The following ERLEC1 variants were observed in gnomAD, a reference collection of about 807,000 sequenced individuals.
The protein encoded by ERLEC1 is endoplasmic reticulum lectin 1.
In ERLEC1, 47 loss-of-function variants were observed where a neutral mutation model predicts 68.0. That is an observed-to-expected ratio of 0.69 (90% CI 0.55 to 0.88). The LOEUF is 0.88. Among genes scored for constraint, ERLEC1 ranks in the 40% least tolerant of loss-of-function variants. The pLI, the probability that ERLEC1 is intolerant of heterozygous loss-of-function variation, is 0.00. For synonymous variants in ERLEC1, 225 were observed against 203.2 expected, an observed-to-expected ratio of 1.11 and a Z score of -0.91; for missense variants, 567 against 583.8, an observed-to-expected ratio of 0.97 and a Z score of 0.30.
At chr2:53,787,429 C>A in intron 1 of ERLEC1, 57 bp downstream of exon 1, 1 of 1,533,766 alleles carries the variant, frequency 6.5e-7, no homozygotes. Flanking sequence ...AGGGTTCGGC[C>A]TCTTCCCTCG....
chr2:53,808,742 A>G (rs1003477806), intron 9 of ERLEC1, among the ~76,000 whole-genome samples: 2 of 152,204 alleles, frequency 1.3e-5, no homozygotes, highest in Non-Finnish European at 2.9e-5. Context: ...GTGATTGTAT[A>G]TCCCACATTT....
rs767304609 is a variant in ERLEC1 at position 53,801,384 on chromosome 2, C to CTT, written c.526-5_526-4dup. 3 of 1,580,650 alleles carry CTT rather than the reference C, an allele frequency of 1.9e-6. No homozygotes were observed. Among genetic ancestry groups the CTT allele is most frequent in the Non-Finnish European group, 2.6e-6 (3 of 1,153,192 alleles). ...TCTAATGAAAAGTCTGTCTTATACT[C>CTT]TTTTTTTTTAAGATTCCCACTAAAA... is the stretch of plus-strand genomic sequence containing the variant. On this transcript the variant is annotated splice_polypyrimidine_tract_variant and intron_variant, in intron 6 of 13. Transcript: ENST00000185150.
At position 53,814,601 on chromosome 2, in the gene ERLEC1, C is replaced by T. The variant is rs771019355; in HGVS notation, c.1285C>T (p.Gln429Ter). The T allele has an allele frequency of 6.2e-7, 1 of 1,610,828 alleles. No homozygotes were observed. The highest frequency in any genetic ancestry group is 8.5e-7 in the Non-Finnish European group (1 of 1,177,838). Residue 429 changes from glutamine to a stop codon, truncating the protein, a stop_gained, in exon 12 of 14, where the codon CAG becomes TAG. Transcript: ENST00000185150. LOFTEE classifies it high-confidence loss of function. ...TTGTGATATAACTGACAAACCAAGA[C>T]AGGTGACTGTAAAACTAAAGTAAGT... ...DICDITDKPR[Q>*]VTVKLKCKES... is the part of the protein sequence containing the mutation.
intron 13 of ERLEC1, among the ~76,000 whole-genome samples, chr2:53,817,138 ATT>A (rs5831282): frequency 4.1e-4 from 58 of 141,386 alleles, no homozygotes; most frequent in East Asian, 4.1e-4. Context: ...TTATTTACTT[ATT>A]TTTTTTTTTT....
chr2:53,809,163 T>G, intron 9 of ERLEC1, 51 bp from the exon 10 acceptor site: 15 of 1,332,950 alleles, frequency 1.1e-5, no homozygotes, highest in Non-Finnish European at 1.5e-5. Context: ...GTGGCATTAT[T>G]GAGAAAGGCC....
intron 10 of ERLEC1, among the ~76,000 whole-genome samples, chr2:53,810,220 A>G (rs1676516362): frequency 6.6e-6 from 1 of 152,196 alleles, no homozygotes; most frequent in African/African-American, 2.4e-5. Context: ...CTGTAATCCA[A>G]ACACTTTGGG....
chr2:53,810,636 A>ATGTTT (rs1251216676), intron 10 of ERLEC1, among the ~76,000 whole-genome samples: 2 of 152,242 alleles, frequency 1.3e-5, no homozygotes, highest in Non-Finnish European at 2.9e-5. Context: ...CCCACTCATA[A>ATGTTT]TGTTTTGAAC....
chr2:53,809,341 A>G (rs1676466653), intron 10 of ERLEC1, 68 bp downstream of exon 10: 5 of 1,038,260 alleles, frequency 4.8e-6, no homozygotes, highest in East Asian at 5.7e-5. Context: ...TGTTGTAGAA[A>G]AAAAGGGGGA....
In ERLEC1 at chr2:53,802,325, C is replaced by A. The variant is rs553568498; in HGVS notation, c.879+483C>A. On this transcript the variant is annotated intron_variant, in intron 8 of 13. Transcript: ENST00000185150. The stretch of plus-strand genomic sequence containing the variant: ...TCATTTTTTTCTCTTTCATACTGAC[C>A]CTTTTCTTGCCTTCTCCTGTGTTCT... Among the ~76,000 whole-genome samples the A allele has an allele frequency of 1.6e-3, 246 of 152,222 alleles. 2 individuals are homozygous for A. The highest frequency in any genetic ancestry group is 0.015 in the Admixed American group (233 of 15,280).
chr2:53,800,274 T>C (rs773371841), intron 6 of ERLEC1, among the ~76,000 whole-genome samples: 6 of 152,148 alleles, frequency 3.9e-5, no homozygotes, highest in Non-Finnish European at 7.4e-5. Context: ...GCAATGCCAA[T>C]ATCAAATACG....
chr2:53,817,997 G>A lies in ERLEC1; in HGVS notation c.*28G>A. On this transcript the variant is annotated 3_prime_UTR_variant, in exon 14 of 14. Transcript: ENST00000185150. Reference sequence around the variant, plus strand: ...GATATTAAAGTTAGGGGAAAGAAAAGATCATTGAAAGTCATGATAATTTCT... The same window carrying A: ...GATATTAAAGTTAGGGGAAAGAAAAAATCATTGAAAGTCATGATAATTTCT... The A allele has an allele frequency of 7.5e-7, 1 of 1,336,148 alleles. No homozygotes were observed. The highest frequency in any genetic ancestry group is 1.1e-6 in the Non-Finnish European group (1 of 927,326). The allele number at this position is 1,336,148 out of a possible 1,614,324, so 82.8% of individuals were successfully genotyped here.
intron 8 of ERLEC1, among the ~76,000 whole-genome samples, chr2:53,803,219 C>A (rs1039566765): frequency 1.3e-5 from 2 of 152,164 alleles, no homozygotes; most frequent in Admixed American, 6.5e-5. Flanking sequence ...AGTACTTCTG[C>A]AAAAATATTA....
intron 1 of ERLEC1, among the ~76,000 whole-genome samples, chr2:53,793,607 T>C (rs1350190427): frequency 6.6e-6 from 1 of 151,812 alleles, no homozygotes; most frequent in Non-Finnish European, 1.5e-5. Context: ...TTAGTGCCTT[T>C]TTTTCTTTTT....
At chr2:53,789,772 A>G (rs1184018555) in intron 1 of ERLEC1, among the ~76,000 whole-genome samples, 1 of 151,958 alleles carries the variant, frequency 6.6e-6, no homozygotes, top group Non-Finnish European at 1.5e-5. Flanking sequence ...TAATCCCAAC[A>G]TTTTGGGAGG....
intron 6 of ERLEC1, among the ~76,000 whole-genome samples, chr2:53,799,589 C>T (rs1675900292): frequency 6.6e-6 from 1 of 152,098 alleles, no homozygotes; most frequent in African/African-American, 2.4e-5. Flanking sequence ...ATTTCTGTAA[C>T]ATAGGGACGT....
chr2:53,817,757 T>G (rs1676979466), intron 13 of ERLEC1, 141 bp from the exon 14 acceptor site: 1 of 588,752 alleles, frequency 1.7e-6, no homozygotes, highest in African/African-American at 1.8e-5. Flanking sequence ...GAAGCTTAAT[T>G]TGTAGAAATA....
chr2:53,801,139 C>T (rs1410763741), intron 6 of ERLEC1, among the ~76,000 whole-genome samples: 1 of 152,072 alleles, frequency 6.6e-6, no homozygotes, highest in Non-Finnish European at 1.5e-5. Flanking sequence ...TATAAATGTA[C>T]ATTTACTTAA....
rs1676763377 is a variant in ERLEC1, at chr2:53,814,602, A to T, written c.1286A>T (p.Gln429Leu). Residue 429 changes from glutamine to leucine, a missense_variant, in exon 12 of 14, where the codon CAG becomes CTG. Physicochemically the swap from Gln to Leu is moderately radical, Grantham distance 113. Transcript: ENST00000185150. ...DICDITDKPR[Q>L]VTVKLKCKES... ...TGTGATATAACTGACAAACCAAGAC[A>T]GGTGACTGTAAAACTAAAGTAAGTT... 3 of 1,611,002 alleles carry T rather than the reference A, an allele frequency of 1.9e-6. No individual in the cohort carries two copies. Among genetic ancestry groups the T allele is most frequent in the Non-Finnish European group, 2.5e-6 (3 of 1,177,928 alleles).
intron 5 of ERLEC1, among the ~76,000 whole-genome samples, chr2:53,798,269 CT>C (rs981155987): frequency 7.2e-4 from 105 of 145,744 alleles, no homozygotes; most frequent in Middle Eastern, 3.5e-3. Context: ...TTGTTTTCAC[CT>C]TTTTTTTTTT....
Sources: gnomAD v4.1 joint callset for allele counts (sites outside exome capture counted in the v4.1 genomes callset) on GRCh38, gnomAD v4.1.1 for gene constraint, MANE v1.5 for transcripts, NCBI Gene and HGNC (gene_info 2026-07-23, HGNC 2026-07-21) for gene names.